BCO1: variants seen among roughly 807,000 people sequenced by gnomAD.
BCO1 encodes beta-carotene oxygenase 1, also known as beta,beta-carotene 15,15'-dioxygenase.
Under a neutral mutation model 56.3 loss-of-function variants are expected in BCO1, and 54 were observed. The ratio of observed to expected loss-of-function variants is 0.96; its 90% CI spans 0.77 to 1.20. The LOEUF is 1.20. Ranked by LOEUF, BCO1 falls within the 50% of genes most tolerant of loss-of-function variation. BCO1 has a pLI of 0.00. For synonymous variants in BCO1, 318 were observed against 266.1 expected, an observed-to-expected ratio of 1.20 and a Z score of -1.90; for missense variants, 801 against 690.9, an observed-to-expected ratio of 1.16 and a Z score of -1.79.
At chr16:81,270,050 T>C (rs1033122703) in intron 6 of BCO1, 109 bp from the exon 7 acceptor site, 2 of 1,395,730 alleles carry the variant, frequency 1.4e-6, no homozygotes. Flanking sequence ...AATGGGGACA[T>C]AGTCCTGAGC....
At chr16:81,240,138 G>A (rs1339267859) in intron 1 of BCO1, among the ~76,000 whole-genome samples, 1 of 151,236 alleles carries the variant, frequency 6.6e-6, no homozygotes, top group Non-Finnish European at 1.5e-5. Context: ...CTATCAATCT[G>A]TATATATATA....
At chr16:81,273,911 A>G (rs995110997) in intron 7 of BCO1, among the ~76,000 whole-genome samples, 7 of 152,326 alleles carry the variant, frequency 4.6e-5, no homozygotes, top group Middle Eastern at 6.8e-3. Flanking sequence ...CCTAGTCAGA[A>G]CAACTGGAAG....
Position 81,270,140 on chromosome 16 carries a change from G to A in BCO1, c.844-19G>A. The A allele has an allele frequency of 6.2e-7, 1 of 1,613,984 alleles. No individual in the cohort carries two copies. The highest frequency in any genetic ancestry group is 8.5e-7 in the Non-Finnish European group (1 of 1,180,010). ...CTGAGAGAGGGTGAGCTGAGCCCTT[G>A]ATATGTGTCCTTTTTCAGACTTATA... On this transcript the variant is annotated intron_variant, in intron 6 of 10. Transcript: ENST00000258168.
chr16:81,247,591 A>C (rs1905500808), intron 2 of BCO1, among the ~76,000 whole-genome samples: 1 of 151,986 alleles, frequency 6.6e-6, no homozygotes, highest in Non-Finnish European at 1.5e-5. Context: ...CAATGGTGCA[A>C]TCTCAGCTCA....
chr16:81,246,850 CAAAAA>C (rs71710906), intron 2 of BCO1, among the ~76,000 whole-genome samples: 1 of 83,342 alleles, frequency 1.2e-5, no homozygotes. Flanking sequence ...GACTTTGTCT[CAAAAA>C]AAAAAAAAAA....
chr16:81,247,613 A>C (rs1255236887), intron 2 of BCO1, among the ~76,000 whole-genome samples: 1 of 151,904 alleles, frequency 6.6e-6, no homozygotes, highest in Non-Finnish European at 1.5e-5. Flanking sequence ...CACAGCCTCC[A>C]CTTCCTGGGT....
chr16:81,259,758 G>C lies in BCO1; in HGVS notation c.276G>C (p.Glu92Asp), dbSNP rs1374640322. 1 of 1,614,240 alleles carries C rather than the reference G, an allele frequency of 6.2e-7. No homozygotes were observed. Among genetic ancestry groups the C allele is most frequent in the Non-Finnish European group, 8.5e-7 (1 of 1,180,046 alleles). Reference sequence around the variant, plus strand: ...AGGCAAACAGGATTGTGGTGTCTGAGTTTGGAACAATGGCCTATCCGGACC... The same window carrying C: ...AGGCAAACAGGATTGTGGTGTCTGACTTTGGAACAATGGCCTATCCGGACC... ...NIEANRIVVSEFGTMAYPDPC... is the reference protein window; with the variant it reads ...NIEANRIVVSDFGTMAYPDPC... Residue 92 changes from glutamate to aspartate, a missense_variant, in exon 3 of 11, where the codon GAG (glutamate) becomes GAC (aspartate). Physicochemically the swap from Glu to Asp is conservative, Grantham distance 45. Transcript: ENST00000258168.
Position 81,285,640 on chromosome 16 carries a change from G to A in BCO1, c.1302+6G>A, listed in dbSNP as rs568526377. Reference sequence around the variant, plus strand: ...GGAGTCCAATCCCAACCAAGGTACTGGTCTCTGTGTATTCACAAGCCTTTC... The same window carrying A: ...GGAGTCCAATCCCAACCAAGGTACTAGTCTCTGTGTATTCACAAGCCTTTC... On this transcript the variant is annotated splice_donor_region_variant and intron_variant, in intron 9 of 10. Coordinates refer to ENST00000258168, the MANE Select transcript of BCO1 (RefSeq NM_017429.3). 3 of 1,579,628 alleles carry A rather than the reference G, an allele frequency of 1.9e-6. No homozygotes were observed. The highest frequency in any genetic ancestry group is 1.1e-5 in the South Asian group (1 of 90,372).
At chr16:81,251,258 TA>T (rs529248705) in intron 2 of BCO1, among the ~76,000 whole-genome samples, 4 of 147,720 alleles carry the variant, frequency 2.7e-5, no homozygotes, top group East Asian at 2.0e-4. Flanking sequence ...ATTAATGCTC[TA>T]AAAAAAAAAC....
intron 7 of BCO1, among the ~76,000 whole-genome samples, chr16:81,279,064 C>T (rs1907716929): frequency 6.6e-6 from 1 of 151,394 alleles, no homozygotes; most frequent in Non-Finnish European, 1.5e-5. Context: ...ATCACTTGAG[C>T]CCAGGAGTTC....
At chr16:81,283,773 A>T (rs989173009) in intron 8 of BCO1, among the ~76,000 whole-genome samples, 2 of 152,002 alleles carry the variant, frequency 1.3e-5, no homozygotes, top group Admixed American at 1.3e-4. Context: ...CTTTTCTTGG[A>T]CATTATATCT....
At chr16:81,264,601 G>A (rs566283561) in intron 4 of BCO1, 39 bp from the exon 5 acceptor site, 119 of 1,610,126 alleles carry the variant, frequency 7.4e-5, no homozygotes, top group East Asian at 6.7e-4. Flanking sequence ...GTTGATTATC[G>A]TAAATACTTT....
intron 9 of BCO1, 27 bp downstream of exon 9, chr16:81,285,661 C>T (rs371879531): frequency 6.7e-7 from 1 of 1,491,036 alleles, no homozygotes; most frequent in South Asian, 1.1e-5. Flanking sequence ...ATTCACAAGC[C>T]TTTCCTACAG....
chr16:81,280,891 C>T lies in BCO1; in HGVS notation c.1136C>T (p.Ala379Val), dbSNP rs7501331. The T allele has an allele frequency of 0.22, 356,666 of 1,611,860 alleles. 42,137 individuals carry two copies. The highest frequency in any genetic ancestry group is 0.24 in the Non-Finnish European group (279,579 of 1,178,046). ...AEVGTNLIKV[A>V]STTATALKEE... ...GTGGGCACAAATTTAATCAAAGTGG[C>T]ATCTACAACAGCCACGGCCCTGAAG... is the stretch of plus-strand genomic sequence containing the variant. Residue 379 changes from alanine (A) to valine (V), a missense_variant, in exon 8 of 11, where the codon GCA (alanine) becomes GTA (valine). Physicochemically the swap from Ala to Val is moderately conservative, Grantham distance 64. Coordinates refer to ENST00000258168, the MANE Select transcript of BCO1 (RefSeq NM_017429.3).
chr16:81,287,290 T>C lies in BCO1; in HGVS notation c.1303-5T>C, dbSNP rs371366358. On this transcript the variant is annotated splice_region_variant and splice_polypyrimidine_tract_variant and intron_variant, in intron 9 of 10. Coordinates refer to ENST00000258168, the MANE Select transcript of BCO1 (RefSeq NM_017429.3). ...TTTATGTGTTTTTCCTCGTTGGATG[T>C]ACAGATAATAAAATATGACATTCTC... 6 of 1,598,750 alleles carry C rather than the reference T, an allele frequency of 3.8e-6. No individual in the cohort carries two copies. The Admixed American group carries it at 6.7e-5, about 18-fold the overall frequency.
At chr16:81,284,338 A>G (rs559201431) in intron 8 of BCO1, among the ~76,000 whole-genome samples, 1 of 150,734 alleles carries the variant, frequency 6.6e-6, no homozygotes, top group South Asian at 2.1e-4. Flanking sequence ...ATTTTTGATT[A>G]TGTAAAAATA....
intron 5 of BCO1, 28 bp downstream of exon 5, chr16:81,264,815 A>G: frequency 2.5e-6 from 4 of 1,613,368 alleles, no homozygotes; most frequent in East Asian, 4.5e-5. Context: ...ATTGAATAAA[A>G]CACAAACAAC....
chr16:81,270,223 C>T lies in BCO1; in HGVS notation c.908C>T (p.Ala303Val). The change falls in exon 7 of 11, where the codon GCC becomes GTC. Residue 303 changes from alanine (A) to valine (V), a missense_variant. Transcript: ENST00000258168. ...GTGCAGACCAAGTTTTACACAGACG[C>T]CATGGTGGTCTTCCATCACGTCAAC... ...QPVQTKFYTD[A>V]MVVFHHVNAY... 4 of 1,614,166 alleles carry T rather than the reference C, an allele frequency of 2.5e-6. No individual in the cohort carries two copies. The highest frequency in any genetic ancestry group is 3.4e-6 in the Non-Finnish European group (4 of 1,180,026).
intron 9 of BCO1, 136 bp from the exon 10 acceptor site, chr16:81,287,159 C>A: frequency 1.4e-6 from 1 of 732,628 alleles, no homozygotes; most frequent in Non-Finnish European, 2.5e-6. Flanking sequence ...AGGTAGCTGT[C>A]ATTGGGAGAC....
Sources: gnomAD v4.1 joint callset for allele counts (sites outside exome capture counted in the v4.1 genomes callset) on GRCh38, gnomAD v4.1.1 for gene constraint, MANE v1.5 for transcripts, NCBI Gene and HGNC (gene_info 2026-07-23, HGNC 2026-07-21) for gene names.